HPSE: variants seen among roughly 807,000 people sequenced by gnomAD.
HPSE encodes heparanase.
HPSE carries 48 observed loss-of-function variants against 65.1 expected under a neutral mutation model. The observed-to-expected ratio is 0.74, with a 90% CI of 0.58 to 0.94. The LOEUF is 0.94. Among genes scored for constraint, HPSE ranks in the 40% least tolerant of loss-of-function variants. HPSE has a pLI of 0.00. For synonymous variants in HPSE, 243 were observed against 260.0 expected, an observed-to-expected ratio of 0.93 and a Z score of 0.63; for missense variants, 644 against 637.5, an observed-to-expected ratio of 1.01 and a Z score of -0.11.
intron 1 of HPSE, among the ~76,000 whole-genome samples, chr4:83,334,131 A>G (rs1199524372): frequency 6.6e-6 from 1 of 152,020 alleles, no homozygotes; most frequent in East Asian, 1.9e-4. Flanking sequence ...GCTCATTTAG[A>G]GTGGGCGCTA....
At chr4:83,315,284 C>T (rs1195528194) in intron 3 of HPSE, among the ~76,000 whole-genome samples, 3 of 152,152 alleles carry the variant, frequency 2.0e-5, no homozygotes, top group African/African-American at 7.2e-5. Flanking sequence ...TGCTGCCTAC[C>T]ATCAAGGAAT....
intron 1 of HPSE, among the ~76,000 whole-genome samples, chr4:83,333,877 AAAAG>A (rs1359956421): frequency 1.3e-5 from 2 of 152,002 alleles, no homozygotes; most frequent in African/African-American, 4.8e-5. Flanking sequence ...AAAGAAAAAG[AAAAG>A]AAAAGAAAGA....
intron 3 of HPSE, among the ~76,000 whole-genome samples, chr4:83,314,277 C>A (rs75331720): frequency 2.0e-4 from 29 of 144,818 alleles, no homozygotes; most frequent in Non-Finnish European, 2.6e-4. Flanking sequence ...AACAAAAAAA[C>A]AAACAAAAAA....
In HPSE at chr4:83,319,344, T is replaced by C; in HGVS notation, c.499A>G (p.Arg167Gly). ...QKKFKNSTYS[R>G]SSVDVLYTFA... Reference sequence around the variant, plus strand: ...CTCTAGGGTGCCTTTCATTTCTTACTTGAGTAGGTGCTGTTCTTGAACTTT... The same window carrying C: ...CTCTAGGGTGCCTTTCATTTCTTACCTGAGTAGGTGCTGTTCTTGAACTTT... Residue 167 changes from arginine to glycine, a missense_variant and splice_region_variant, in exon 3 of 12, where the codon AGA becomes GGA. Transcript: ENST00000311412. 6.2e-7 allele frequency: 1 copy of C among 1,613,778 alleles called. No individual in the cohort carries two copies. Among genetic ancestry groups the C allele is most frequent in the Non-Finnish European group, 8.5e-7 (1 of 1,179,794 alleles).
intron 1 of HPSE, among the ~76,000 whole-genome samples, chr4:83,333,341 T>C (rs12507864): frequency 0.13 from 20,216 of 152,156 alleles, 1,791 homozygotes; most frequent in African/African-American, 0.25. Flanking sequence ...GGCCAAGAGA[T>C]ATGGAAAAAC....
intron 11 of HPSE, among the ~76,000 whole-genome samples, chr4:83,300,296 T>C (rs1172239628): frequency 3.3e-5 from 5 of 152,218 alleles, no homozygotes; most frequent in Admixed American, 3.3e-4. Context: ...TGGTATGATA[T>C]TTTATACCAA....
rs1275742648 is a variant in HPSE at position 83,302,814 on chromosome 4, A to G, written c.1207-546T>C. On this transcript the variant is annotated intron_variant, in intron 9 of 11. Transcript: ENST00000311412. ...CATGATGAAACCCCTTCTGTACACA[A>G]AATACAAAAAATTAGCCAGGTGTGG... is the stretch of plus-strand genomic sequence containing the variant. 2.0e-5 allele frequency among the ~76,000 whole-genome samples: 3 copies of G among 152,108 alleles called. No individual in the cohort carries two copies. The East Asian group carries it at 5.8e-4, about 29-fold the overall frequency.
rs566685095 is a variant in HPSE at position 83,333,558 on chromosome 4, C to T, written c.227+998G>A. 1.8e-3 allele frequency among the ~76,000 whole-genome samples: 273 copies of T among 152,282 alleles called. 1 individual carries two copies. Among genetic ancestry groups the T allele is most frequent in the African/African-American group, 6.3e-3 (262 of 41,534 alleles). On this transcript the variant is annotated intron_variant, in intron 1 of 11. Transcript: ENST00000311412. ...AGATGTGGCCATCTCTGGAGGCTCC[C>T]AGGGCCTAAATAAGAGGCCTAGAAG...
At chr4:83,295,548 C>T (rs763103308) in intron 11 of HPSE, 45 bp from the exon 12 acceptor site, 40 of 1,412,310 alleles carry the variant, frequency 2.8e-5, no homozygotes, top group Admixed American at 7.1e-5. Context: ...TGGTGCATGC[C>T]CCACCCATGC....
intron 3 of HPSE, among the ~76,000 whole-genome samples, chr4:83,316,984 T>C (rs1414915361): frequency 6.6e-6 from 1 of 152,120 alleles, no homozygotes; most frequent in Non-Finnish European, 1.5e-5. Flanking sequence ...CACCACAACC[T>C]CTGCCTCCCA....
chr4:83,302,376 T>A, intron 9 of HPSE, 108 bp from the exon 10 acceptor site: 1 of 694,744 alleles, frequency 1.4e-6, no homozygotes, highest in Non-Finnish European at 2.5e-6. Flanking sequence ...AGTATCACTG[T>A]TATCCTGGGG....
At chr4:83,299,077 A>G (rs191896209) in intron 11 of HPSE, among the ~76,000 whole-genome samples, 13 of 152,120 alleles carry the variant, frequency 8.5e-5, no homozygotes, top group African/African-American at 2.9e-4. Context: ...TCAGAATGTA[A>G]TAGGGGCAGG....
At chr4:83,335,005 T>G, upstream of HPSE, 1 of 631,540 alleles carries the variant, frequency 1.6e-6, no homozygotes, top group Non-Finnish European at 2.5e-6. Context: ...TCTCTCCTAC[T>G]TCCTTGCTCG....
chr4:83,310,631 C>G, intron 5 of HPSE, 91 bp downstream of exon 5: 1 of 1,212,584 alleles, frequency 8.2e-7, no homozygotes, highest in Non-Finnish European at 1.2e-6. Flanking sequence ...ATGATTGTAC[C>G]ACTGCACTCC....
At chr4:83,310,189 T>G in intron 5 of HPSE, 111 bp from the exon 6 acceptor site, 1 of 664,288 alleles carries the variant, frequency 1.5e-6, no homozygotes, top group Admixed American at 2.7e-5. Flanking sequence ...TAGGATCAGG[T>G]AAACACAAAC....
rs886646878 is a variant in HPSE at position 83,313,255 on chromosome 4, T to C, written c.532A>G (p.Asn178Asp). Reference sequence around the variant, plus strand: ...AAGATCAAGTCCAGTCCTGAGCAGTTTGCAAAAGTGTATAGCACATCTACA... The same window carrying C: ...AAGATCAAGTCCAGTCCTGAGCAGTCTGCAAAAGTGTATAGCACATCTACA... ...SSVDVLYTFA[N>D]CSGLDLIFGL... Residue 178 changes from asparagine to aspartate, a missense_variant, in exon 4 of 12, where the codon AAC becomes GAC. Transcript: ENST00000311412. The C allele has an allele frequency of 2.5e-6, 4 of 1,613,764 alleles. No individual in the cohort carries two copies. The highest frequency in any genetic ancestry group is 3.4e-6 in the Non-Finnish European group (4 of 1,179,928).
At chr4:83,323,504 A>AACAC (rs60575393) in intron 1 of HPSE, among the ~76,000 whole-genome samples, 6,322 of 150,028 alleles carry the variant, frequency 0.042, 407 homozygotes, top group African/African-American at 0.15. Flanking sequence ...GTCTATTTAA[A>AACAC]ACACACACAC....
chr4:83,315,546 A>C (rs1736595003), intron 3 of HPSE, among the ~76,000 whole-genome samples: 1 of 152,338 alleles, frequency 6.6e-6, no homozygotes, highest in South Asian at 2.1e-4. Context: ...TTAGTCACAC[A>C]TTATAGGCTT....
intron 9 of HPSE, among the ~76,000 whole-genome samples, chr4:83,302,661 TTCTG>T (rs1165997212): frequency 6.6e-6 from 1 of 152,164 alleles, no homozygotes; most frequent in African/African-American, 2.4e-5. Context: ...AAAGTAAAAC[TTCTG>T]TCTGTTTAGA....
Sources: allele counts gnomAD v4.1 joint callset (sites outside exome capture counted in the v4.1 genomes callset), GRCh38; gene constraint gnomAD v4.1.1; transcripts MANE v1.5; gene names NCBI Gene and HGNC (gene_info 2026-07-23, HGNC 2026-07-21).